The following ITFG1 variants were observed in gnomAD, a reference collection of about 807,000 sequenced individuals.
The protein encoded by ITFG1 is T-cell immunomodulatory protein.
Under a neutral mutation model 81.8 loss-of-function variants are expected in ITFG1, and 34 were observed. That is an observed-to-expected ratio of 0.42 (90% confidence interval 0.32 to 0.55). ITFG1 has a LOEUF of 0.55. Ranked by LOEUF, ITFG1 falls within the 20% of genes least tolerant of loss-of-function variation. The pLI is 0.17. For missense variants in ITFG1, 672 were observed against 755.4 expected (o/e 0.89, Z 1.29); for synonymous variants, 285 against 270.6 (o/e 1.05, Z -0.52).
At chr16:47,396,866 G>T (rs970593741) in intron 6 of ITFG1, among the ~76,000 whole-genome samples, 1 of 152,116 alleles carries the variant, frequency 6.6e-6, no homozygotes, top group African/African-American at 2.4e-5. Flanking sequence ...TACCTACAAG[G>T]TGCAGGGAAC....
intron 6 of ITFG1, among the ~76,000 whole-genome samples, chr16:47,377,822 C>T (rs1055630404): frequency 6.6e-6 from 1 of 152,112 alleles, no homozygotes; most frequent in African/African-American, 2.4e-5. Flanking sequence ...TTTTTCTATC[C>T]CTGCTGTTTC....
intron 13 of ITFG1, among the ~76,000 whole-genome samples, chr16:47,224,771 C>G (rs1027355762): frequency 1.3e-5 from 2 of 152,154 alleles, no homozygotes; most frequent in Admixed American, 6.5e-5. Flanking sequence ...TAGGCAAAGA[C>G]TTTAAATCTG....
intron 6 of ITFG1, among the ~76,000 whole-genome samples, chr16:47,421,264 A>ACATATG (rs1458792308): frequency 6.9e-6 from 1 of 144,250 alleles, no homozygotes; most frequent in Non-Finnish European, 1.5e-5. Flanking sequence ...ATATATACAT[A>ACATATG]CATATGCACA....
intron 6 of ITFG1, among the ~76,000 whole-genome samples, chr16:47,398,912 C>T (rs374369079): frequency 6.6e-6 from 1 of 152,200 alleles, no homozygotes; most frequent in African/African-American, 2.4e-5. Context: ...ATTCTTCAAA[C>T]CACATGCATG....
At chr16:47,167,562 G>A (rs949340583) in intron 14 of ITFG1, among the ~76,000 whole-genome samples, 3 of 150,830 alleles carry the variant, frequency 2.0e-5, no homozygotes, top group Non-Finnish European at 4.4e-5. Context: ...ACTCCTGCCC[G>A]CCAGAGAACA....
chr16:47,266,245 T>C (rs1017053435), intron 10 of ITFG1, among the ~76,000 whole-genome samples: 11 of 152,034 alleles, frequency 7.2e-5, no homozygotes, highest in African/African-American at 2.7e-4. Context: ...TGTGATGGAG[T>C]CTCGCTCTGT....
chr16:47,365,324 C>T (rs185523697), intron 8 of ITFG1, among the ~76,000 whole-genome samples: 56 of 152,182 alleles, frequency 3.7e-4, no homozygotes, highest in African/African-American at 1.2e-3. Context: ...CAGAATCTTA[C>T]GGAAAACAGA....
chr16:47,260,458 C>G (rs1193384366), intron 11 of ITFG1, 87 bp downstream of exon 11: 3 of 1,412,356 alleles, frequency 2.1e-6, no homozygotes, highest in South Asian at 2.6e-5. Context: ...GTGTTGTCCA[C>G]ATTTTCTGGT....
chr16:47,405,203 A>T, intron 6 of ITFG1, among the ~76,000 whole-genome samples: 1 of 152,208 alleles, frequency 6.6e-6, no homozygotes, highest in East Asian at 1.9e-4. Context: ...GAGAATACAC[A>T]TAGAAGATCA....
intron 13 of ITFG1, among the ~76,000 whole-genome samples, chr16:47,221,761 C>T (rs1965694725): frequency 6.6e-6 from 1 of 152,184 alleles, no homozygotes; most frequent in Non-Finnish European, 1.5e-5. Flanking sequence ...ACAACTTCAG[C>T]TCCTGTTATT....
chr16:47,441,164 C>T (rs1030861819), intron 5 of ITFG1, among the ~76,000 whole-genome samples: 3 of 152,096 alleles, frequency 2.0e-5, no homozygotes, highest in African/African-American at 7.2e-5. Flanking sequence ...CAATAACAGG[C>T]TCTGAAATTG....
chr16:47,436,071 C>G lies in ITFG1; in HGVS notation c.561-7173G>C, dbSNP rs1055256008. Among the ~76,000 whole-genome samples, 67 of 151,978 alleles carry G rather than the reference C, an allele frequency of 4.4e-4. 1 individual carries two copies. The highest frequency in any genetic ancestry group is 3.2e-3 in the Middle Eastern group (1 of 316). On this transcript the variant is annotated intron_variant, in intron 5 of 17. Transcript: ENST00000320640. ...ATATTCAGAAATTGTACATCTTTCC[C>G]TTTTATCCTTGAACTTGTACTTCCA... is the stretch of plus-strand genomic sequence containing the variant.
intron 10 of ITFG1, among the ~76,000 whole-genome samples, chr16:47,285,210 A>G (rs1305923620): frequency 1.3e-5 from 2 of 152,132 alleles, no homozygotes; most frequent in African/African-American, 4.8e-5. Context: ...GTCCCACCCT[A>G]TACCCTGGGG....
At chr16:47,207,464 A>C (rs556014180) in intron 14 of ITFG1, among the ~76,000 whole-genome samples, 1 of 152,232 alleles carries the variant, frequency 6.6e-6, no homozygotes, top group East Asian at 1.9e-4. Context: ...GATGAAGTAC[A>C]GAAGGGGAAT....
At position 47,365,952 on chromosome 16, in the gene ITFG1, G is replaced by C. The variant is rs977228500; in HGVS notation, c.721-83C>G. 6.9e-6 allele frequency: 5 copies of C among 719,922 alleles called. No individual in the cohort carries two copies. In the African/African-American group the frequency reaches 7.1e-5, roughly 10 times the overall value. The allele number at this position is 719,922 out of a possible 1,614,324, so 44.6% of individuals were successfully genotyped here. On this transcript the variant is annotated intron_variant, in intron 7 of 17. Coordinates refer to ENST00000320640, the MANE Select transcript of ITFG1 (RefSeq NM_030790.5). ...TAAAACAAAGCATTCTAACTGAACT[G>C]GGGAAATAAATAACTTCAGTATTTT...
intron 12 of ITFG1, among the ~76,000 whole-genome samples, chr16:47,242,917 G>C (rs1368127359): frequency 6.6e-6 from 1 of 152,128 alleles, no homozygotes; most frequent in African/African-American, 2.4e-5. Flanking sequence ...CTGGATCTGC[G>C]TGTAATTGCA....
intron 14 of ITFG1, among the ~76,000 whole-genome samples, chr16:47,217,639 T>C (rs1965640215): frequency 6.6e-6 from 1 of 152,212 alleles, no homozygotes; most frequent in Admixed American, 6.5e-5. Context: ...TAAAGTATAA[T>C]TGTGGCCAGG....
At chr16:47,285,803 T>C (rs776183036) in intron 10 of ITFG1, among the ~76,000 whole-genome samples, 14 of 152,322 alleles carry the variant, frequency 9.2e-5, no homozygotes, top group Non-Finnish European at 1.6e-4. Flanking sequence ...TAGTAGTCAA[T>C]TCAAAGAATT....
chr16:47,162,284 AAGC>A (rs1458322928), intron 15 of ITFG1, among the ~76,000 whole-genome samples: 2 of 152,130 alleles, frequency 1.3e-5, no homozygotes, highest in Non-Finnish European at 2.9e-5. Context: ...TAGGATGAAA[AAGC>A]AGGATAGAGG....
Sources: allele counts gnomAD v4.1 joint callset (sites outside exome capture counted in the v4.1 genomes callset), GRCh38; gene constraint gnomAD v4.1.1; transcripts MANE v1.5; gene names NCBI Gene and HGNC (gene_info 2026-07-23, HGNC 2026-07-21).